The following ERC2 variants were observed in gnomAD, a reference collection of about 807,000 sequenced individuals.
ERC2 encodes ELKS/RAB6-interacting/CAST family member 2, also known as ERC protein 2.
In ERC2, 42 loss-of-function variants were observed where a neutral mutation model predicts 114.8. That is an observed-to-expected ratio of 0.37 (90% CI 0.29 to 0.47). The LOEUF is 0.47. Among genes scored for constraint, ERC2 ranks in the 20% least tolerant of loss-of-function variants. ERC2 has a pLI of 0.99. For missense variants in ERC2, 939 were observed against 1,150.7 expected, an observed-to-expected ratio of 0.82 and a Z score of 2.66; for synonymous variants, 454 against 425.5, an observed-to-expected ratio of 1.07 and a Z score of -0.82.
intron 13 of ERC2, among the ~76,000 whole-genome samples, chr3:55,899,148 T>C (rs1317028544): frequency 1.3e-5 from 2 of 152,252 alleles, no homozygotes; most frequent in African/African-American, 2.4e-5. Context: ...TGTTGTCCAA[T>C]GGTGATGTTC....
intron 15 of ERC2, among the ~76,000 whole-genome samples, chr3:55,732,271 T>G (rs1474428429): frequency 1.3e-5 from 2 of 152,212 alleles, no homozygotes; most frequent in Admixed American, 1.3e-4. Context: ...ATCATTGTTC[T>G]TAGAGTCATT....
At chr3:55,676,169 C>T (rs773170607) in intron 17 of ERC2, among the ~76,000 whole-genome samples, 1 of 151,636 alleles carries the variant, frequency 6.6e-6, no homozygotes, top group Non-Finnish European at 1.5e-5. Flanking sequence ...GTGATCTGTC[C>T]GCCTTGGCCT....
chr3:55,560,889 T>C (rs1251083648), intron 17 of ERC2, among the ~76,000 whole-genome samples: 1 of 152,164 alleles, frequency 6.6e-6, no homozygotes, highest in African/African-American at 2.4e-5. Context: ...GGCAGAATAT[T>C]AGGTCACTGT....
chr3:56,237,566 A>G (rs1197688307), intron 3 of ERC2, among the ~76,000 whole-genome samples: 1 of 152,210 alleles, frequency 6.6e-6, no homozygotes, highest in East Asian at 1.9e-4. Context: ...AGGTCTATGT[A>G]GAAATGCATT....
At chr3:55,950,776 G>A (rs1002192362) in intron 12 of ERC2, among the ~76,000 whole-genome samples, 2 of 152,162 alleles carry the variant, frequency 1.3e-5, no homozygotes. Flanking sequence ...GTGGCAAATG[G>A]GGCAGGTATA....
intron 6 of ERC2, among the ~76,000 whole-genome samples, chr3:56,087,516 A>C (rs1302658244): frequency 2.0e-5 from 3 of 152,160 alleles, no homozygotes; most frequent in Non-Finnish European, 4.4e-5. Context: ...ACAAAACACT[A>C]AGTGCTACTT....
intron 4 of ERC2, among the ~76,000 whole-genome samples, chr3:56,160,712 C>A (rs1282487533): frequency 6.6e-6 from 1 of 152,092 alleles, no homozygotes; most frequent in East Asian, 1.9e-4. Context: ...GCCAGTTATC[C>A]CAGCACCATT....
At chr3:56,347,625 CAG>C (rs2150513344) in intron 2 of ERC2, among the ~76,000 whole-genome samples, 1 of 152,262 alleles carries the variant, frequency 6.6e-6, no homozygotes, top group Non-Finnish European at 1.5e-5. Flanking sequence ...TACCAGACTT[CAG>C]AGATTCCAAC....
intron 6 of ERC2, among the ~76,000 whole-genome samples, chr3:56,125,869 G>A (rs939004360): frequency 6.6e-6 from 1 of 152,144 alleles, no homozygotes; most frequent in African/African-American, 2.4e-5. Flanking sequence ...ACTTCCTGTG[G>A]CTTATCCATG....
Position 55,827,321 on chromosome 3 carries a change from AAAG to A in ERC2, c.2564+61065_2564+61067del, listed in dbSNP as rs201537305. Among the ~76,000 whole-genome samples the A allele has an allele frequency of 3.0e-3, 450 of 148,582 alleles. 4 individuals are homozygous for A. Among genetic ancestry groups the A allele is most frequent in the African/African-American group, 0.011 (428 of 40,150 alleles). ...GAAGAGAAAGAAAGAAAGAAAGAAG[AAAG>A]AGAAAAAGAAAGAGGGACGGAGGAG... On this transcript the variant is annotated intron_variant, in intron 14 of 17. Transcript: ENST00000288221.
At chr3:56,431,073 C>T (rs142553848) in intron 2 of ERC2, among the ~76,000 whole-genome samples, 8 of 152,316 alleles carry the variant, frequency 5.3e-5, no homozygotes, top group African/African-American at 1.9e-4. Flanking sequence ...AAAGTTCTAG[C>T]ACCTACCTCA....
At chr3:55,955,141 ACTCCTGG>A (rs2067852084) in intron 12 of ERC2, 2 of 516,260 alleles carry the variant, frequency 3.9e-6, no homozygotes, top group Non-Finnish European at 7.7e-6. Flanking sequence ...ATGAACGGAA[ACTCCTGG>A]AAACTCCACA....
At chr3:56,107,610 C>T (rs1038712072) in intron 6 of ERC2, among the ~76,000 whole-genome samples, 18 of 152,138 alleles carry the variant, frequency 1.2e-4, no homozygotes, top group African/African-American at 4.1e-4. Flanking sequence ...CTAAAGCACT[C>T]GGAAACTATT....
In ERC2 at chr3:56,043,352, A is replaced by C. The variant is rs576799907; in HGVS notation, c.1642-24321T>G. Among the ~76,000 whole-genome samples, 4 of 152,242 alleles carry C rather than the reference A, an allele frequency of 2.6e-5. No individual in the cohort carries two copies. The East Asian group carries it at 5.8e-4, about 22-fold the overall frequency. On this transcript the variant is annotated intron_variant, in intron 7 of 17. Transcript: ENST00000288221. ...CACATTGAACAGAAAATGATTAAGA[A>C]TTTTTTATGGCACTAATTTTATTGG...
intron 3 of ERC2, among the ~76,000 whole-genome samples, chr3:56,292,601 C>T (rs540871487): frequency 4.6e-5 from 7 of 151,250 alleles, no homozygotes; most frequent in African/African-American, 1.5e-4. Context: ...CACCGCCCCC[C>T]GCAAAAAAAA....
intron 17 of ERC2, among the ~76,000 whole-genome samples, chr3:55,680,831 A>G (rs1336430652): frequency 6.6e-6 from 1 of 152,216 alleles, no homozygotes; most frequent in Non-Finnish European, 1.5e-5. Flanking sequence ...GGGGGAGTAT[A>G]AAGAGAATTG....
chr3:55,638,981 A>G (rs1240990914), intron 17 of ERC2, among the ~76,000 whole-genome samples: 1 of 152,172 alleles, frequency 6.6e-6, no homozygotes, highest in Admixed American at 6.5e-5. Flanking sequence ...TAAAAGCACT[A>G]CCTATGACAT....
intron 3 of ERC2, among the ~76,000 whole-genome samples, chr3:56,263,500 C>A (rs1422945859): frequency 1.3e-5 from 2 of 152,210 alleles, no homozygotes; most frequent in East Asian, 3.9e-4. Context: ...CAGCAGCCCC[C>A]CGCAGAGAAA....
intron 3 of ERC2, among the ~76,000 whole-genome samples, chr3:56,191,550 G>A (rs1260631351): frequency 6.6e-6 from 1 of 152,160 alleles, no homozygotes; most frequent in Non-Finnish European, 1.5e-5. Flanking sequence ...AAGGTCCAGA[G>A]AGGTGAAGTG....
Sources: gnomAD v4.1 joint callset for allele counts (sites outside exome capture counted in the v4.1 genomes callset) on GRCh38, gnomAD v4.1.1 for gene constraint, MANE v1.5 for transcripts, NCBI Gene and HGNC (gene_info 2026-07-23, HGNC 2026-07-21) for gene names.